The following DCAF17 variants were observed in gnomAD, a reference collection of about 807,000 sequenced individuals.
DCAF17 encodes DDB1 and CUL4 associated factor 17, also known as DDB1- and CUL4-associated factor 17.
In DCAF17, 48 loss-of-function variants were observed where a neutral mutation model predicts 66.0. The observed-to-expected ratio is 0.73, with a 90% CI of 0.58 to 0.92. DCAF17 has a LOEUF of 0.92. DCAF17 is among the 40% of genes least tolerant of loss of function. DCAF17 has a pLI of 0.00. For missense variants in DCAF17, 562 were observed against 622.8 expected (o/e 0.90, Z 1.04); for synonymous variants, 206 against 214.6 (o/e 0.96, Z 0.35).
At chr2:171,457,421 A>C (rs1436269961) in intron 6 of DCAF17, among the ~76,000 whole-genome samples, 1 of 152,236 alleles carries the variant, frequency 6.6e-6, no homozygotes, top group African/African-American at 2.4e-5. Context: ...TATAAAAATA[A>C]GAATAATAGA....
intron 10 of DCAF17, chr2:171,474,262 T>C: frequency 2.5e-6 from 1 of 407,108 alleles, no homozygotes; most frequent in Non-Finnish European, 4.6e-6. Flanking sequence ...TTCTATAGGG[T>C]TAATAAGAAA....
In DCAF17 at chr2:171,443,543, A is replaced by G; in HGVS notation, c.251A>G (p.Lys84Arg). 1 of 1,612,940 alleles carries G rather than the reference A, an allele frequency of 6.2e-7. No individual in the cohort carries two copies. The highest frequency in any genetic ancestry group is 8.5e-7 in the Non-Finnish European group (1 of 1,179,372). The change falls in exon 3 of 14, where the codon AAA becomes AGA. Residue 84 changes from lysine (K) to arginine (R), a missense_variant. Physicochemically the swap from Lys to Arg is conservative, Grantham distance 26. Around this residue, in one of 3 missense-constraint regions of DCAF17, gnomAD observed 348 missense variants for 355.9 expected, o/e 0.98. Transcript: ENST00000375255. ...CVSSVASEPR[K>R]LYEMPKCSKS... ...CCCAGTGTTGCATCTGAGCCAAGAA[A>G]ACTTTATGAAATGCCAAAATGTTCC...
intron 12 of DCAF17, among the ~76,000 whole-genome samples, chr2:171,478,911 A>G (rs768449754): frequency 6.6e-6 from 1 of 152,222 alleles, no homozygotes; most frequent in Non-Finnish European, 1.5e-5. Flanking sequence ...AAAATTTCCA[A>G]AAGGTAGCAT....
intron 2 of DCAF17, among the ~76,000 whole-genome samples, chr2:171,435,751 C>T (rs1344751713): frequency 1.3e-5 from 2 of 152,120 alleles, no homozygotes; most frequent in African/African-American, 4.8e-5. Context: ...TTTCCTTTTG[C>T]ATGACCTCTT....
chr2:171,474,256 A>C, intron 10 of DCAF17: 2 of 421,968 alleles, frequency 4.7e-6, no homozygotes, highest in South Asian at 4.7e-5. Context: ...AGTTAATTCT[A>C]TAGGGTTAAT....
intron 9 of DCAF17, 76 bp from the exon 10 acceptor site, chr2:171,473,790 T>C: frequency 3.4e-6 from 4 of 1,179,498 alleles, no homozygotes; most frequent in South Asian, 1.3e-5. Context: ...CCTACTGATC[T>C]ATCACTTGGG....
intron 1 of DCAF17, 140 bp from the exon 2 acceptor site, chr2:171,434,943 C>A: frequency 1.0e-6 from 1 of 1,003,232 alleles, no homozygotes; most frequent in Non-Finnish European, 1.5e-6. Flanking sequence ...CCTCATTAAG[C>A]CAAAACATGA....
At chr2:171,480,724 G>A (rs1190686304) in intron 13 of DCAF17, among the ~76,000 whole-genome samples, 2 of 152,134 alleles carry the variant, frequency 1.3e-5, no homozygotes, top group Non-Finnish European at 2.9e-5. Flanking sequence ...TAATAGCAGC[G>A]TTGGCAATAG....
Position 171,465,067 on chromosome 2 carries a change from G to A in DCAF17, c.839-3821G>A, listed in dbSNP as rs551838634. Among the ~76,000 whole-genome samples the A allele has an allele frequency of 7.2e-5, 11 of 152,188 alleles. No homozygotes were observed. In the South Asian group the frequency reaches 2.3e-3, roughly 32 times the overall value. ...AAAAAATTTAGCCAGGCGTGGTGGT[G>A]TGCACTTGTAATCCCAGCTACTCGG... On this transcript the variant is annotated intron_variant, in intron 8 of 13. Coordinates refer to ENST00000375255, the MANE Select transcript of DCAF17 (RefSeq NM_025000.4).
chr2:171,438,776 TCC>T (rs1329993093), intron 2 of DCAF17, among the ~76,000 whole-genome samples: 1 of 152,044 alleles, frequency 6.6e-6, no homozygotes, highest in African/African-American at 2.4e-5. Flanking sequence ...TGGCTGTGTC[TCC>T]CAGGCTGGAG....
At position 171,482,484 on chromosome 2, in the gene DCAF17, C is replaced by T. The variant is rs565065854; in HGVS notation, c.*1370C>T. Reference sequence around the variant, plus strand: ...AGACACTAGCTGTATCTAAATAGTCCCACTCAGTAAACTTACATCTTGAAA... The same window carrying T: ...AGACACTAGCTGTATCTAAATAGTCTCACTCAGTAAACTTACATCTTGAAA... On this transcript the variant is annotated 3_prime_UTR_variant, in exon 14 of 14. Transcript: ENST00000375255. 408 of 453,882 alleles carry T rather than the reference C, an allele frequency of 9.0e-4. No homozygotes were observed. The highest frequency in any genetic ancestry group is 1.3e-3 in the Non-Finnish European group (301 of 226,762). 28.1% of individuals were successfully genotyped at this position (453,882 alleles called of 1,614,324 possible).
At chr2:171,478,464 G>C (rs1696600940) in intron 12 of DCAF17, among the ~76,000 whole-genome samples, 1 of 152,136 alleles carries the variant, frequency 6.6e-6, no homozygotes, top group African/African-American at 2.4e-5. Flanking sequence ...ACTTGAATAT[G>C]TTTGTTAATG....
At position 171,482,668 on chromosome 2, in the gene DCAF17, A is replaced by AT. The variant is rs560178345; in HGVS notation, c.*1565dup. 2.3e-3 allele frequency: 857 copies of AT among 373,736 alleles called. 1 individual carries two copies. The highest frequency in any genetic ancestry group is 0.012 in the African/African-American group (551 of 47,082). 23.2% of individuals were successfully genotyped at this position (373,736 alleles called of 1,614,324 possible). A position where few individuals can be genotyped will look rare whatever the true frequency, so the allele number is the denominator to read the frequency against. On this transcript the variant is annotated 3_prime_UTR_variant, in exon 14 of 14. Transcript: ENST00000375255. Reference sequence around the variant, plus strand: ...TCTTAAGACTTCAGTCATGTCAGAGATTTTTTTTTTTAGGTGATTATTGAG... The same window carrying AT: ...TCTTAAGACTTCAGTCATGTCAGAGATTTTTTTTTTTTAGGTGATTATTGAG...
chr2:171,434,272 T>C lies in DCAF17; in HGVS notation c.-306T>C. ...AGGCACTAGGAACTACATTTCCCGG[T>C]GAGAGAGCGGCTCCGGCCGGCCGCG... On this transcript the variant is annotated 5_prime_UTR_variant, in exon 1 of 14. Coordinates refer to ENST00000375255, the MANE Select transcript of DCAF17 (RefSeq NM_025000.4). The C allele has an allele frequency of 1.9e-6, 1 of 538,588 alleles. No individual in the cohort carries two copies. Among genetic ancestry groups the C allele is most frequent in the South Asian group, 1.5e-5 (1 of 64,988 alleles). The allele number at this position is 538,588 out of a possible 1,614,324, so 33.4% of individuals were successfully genotyped here.
At chr2:171,448,430 T>A (rs1574339097) in intron 3 of DCAF17, among the ~76,000 whole-genome samples, 1 of 97,078 alleles carries the variant, frequency 1.0e-5, no homozygotes, top group Admixed American at 1.2e-4. Flanking sequence ...ATAAAATAAT[T>A]AATTCATAAT....
intron 6 of DCAF17, among the ~76,000 whole-genome samples, chr2:171,455,568 A>G (rs969852685): frequency 6.6e-6 from 1 of 152,210 alleles, no homozygotes; most frequent in Non-Finnish European, 1.5e-5. Context: ...TTCTGTCTTT[A>G]GGTCTTTGAG....
At chr2:171,479,072 C>T (rs1696626620) in intron 12 of DCAF17, among the ~76,000 whole-genome samples, 1 of 152,124 alleles carries the variant, frequency 6.6e-6, no homozygotes, top group Non-Finnish European at 1.5e-5. Flanking sequence ...AGAAGTCACC[C>T]TTTGAAGTTT....
rs745818094 is a variant in DCAF17, at chr2:171,480,212, A to T, written c.1422+19A>T. ...GGATGTGGTGAGTAGAGTCCGTGGGATACAAAGTTGTAAACCTTTCCTTTA... is the reference window on the plus strand; with the variant it reads ...GGATGTGGTGAGTAGAGTCCGTGGGTTACAAAGTTGTAAACCTTTCCTTTA... On this transcript the variant is annotated intron_variant, in intron 13 of 13. Coordinates refer to ENST00000375255, the MANE Select transcript of DCAF17 (RefSeq NM_025000.4). 8.7e-6 allele frequency: 14 copies of T among 1,612,014 alleles called. No homozygotes were observed. The Admixed American group carries it at 1.8e-4, about 21-fold the overall frequency.
intron 6 of DCAF17, among the ~76,000 whole-genome samples, chr2:171,454,576 G>C (rs1274892211): frequency 1.3e-5 from 2 of 151,974 alleles, no homozygotes; most frequent in African/African-American, 4.8e-5. Context: ...AAGCCACCGC[G>C]CCTGGCCAGC....
Sources: allele counts gnomAD v4.1 joint callset (sites outside exome capture counted in the v4.1 genomes callset), GRCh38; gene constraint gnomAD v4.1.1; regional missense constraint gnomAD v4.1.1; transcripts MANE v1.5; gene names NCBI Gene and HGNC (gene_info 2026-07-23, HGNC 2026-07-21).